JAZF1: variants seen among roughly 807,000 people sequenced by gnomAD.
JAZF1 encodes the protein JAZF zinc finger 1.
A neutral mutation model predicts 26.4 loss-of-function variants in JAZF1; 8 were observed. The observed-to-expected ratio is 0.30, with a 90% CI of 0.18 to 0.55. The LOEUF (loss-of-function observed/expected upper bound fraction) is 0.55, where lower values mean the gene tolerates loss of function less well. JAZF1 is among the 20% of genes least tolerant of loss of function. The probability of loss-of-function intolerance (pLI) is 0.94; values close to 1 mark genes in which losing one functional copy is unlikely to be tolerated. For missense variants in JAZF1, 199 were observed against 322.0 expected (o/e 0.62, Z 2.92); for synonymous variants, 126 against 122.3 (o/e 1.03, Z -0.20).
At chr7:27,907,342 A>G (rs1439813001) in intron 2 of JAZF1, among the ~76,000 whole-genome samples, 6 of 152,186 alleles carry the variant, frequency 3.9e-5, no homozygotes, top group Admixed American at 3.3e-4. Context: ...GAGTTGTGGT[A>G]TTTCCATGGG....
intron 3 of JAZF1, among the ~76,000 whole-genome samples, chr7:27,856,405 A>G (rs567117312): frequency 6.6e-6 from 1 of 152,304 alleles, no homozygotes; most frequent in Non-Finnish European, 1.5e-5. Context: ...AGCAAGAGTT[A>G]TTGCAAAGAG....
chr7:28,016,853 T>C (rs1782902306), intron 1 of JAZF1, among the ~76,000 whole-genome samples: 1 of 152,206 alleles, frequency 6.6e-6, no homozygotes, highest in African/African-American at 2.4e-5. Context: ...TGCCAGGTAC[T>C]GTTCTAGGCA....
chr7:27,902,730 TAACA>T (rs1464055975), intron 2 of JAZF1, among the ~76,000 whole-genome samples: 1 of 152,142 alleles, frequency 6.6e-6, no homozygotes, highest in Non-Finnish European at 1.5e-5. Flanking sequence ...AAGAAGTGAT[TAACA>T]TGCTGGGCAC....
intron 1 of JAZF1, among the ~76,000 whole-genome samples, chr7:28,045,987 G>A (rs1461667105): frequency 6.6e-6 from 1 of 152,160 alleles, no homozygotes; most frequent in East Asian, 1.9e-4. Context: ...CCATATAGAA[G>A]TGTAAAGTTA....
At chr7:27,949,709 G>T (rs1276677147) in intron 2 of JAZF1, among the ~76,000 whole-genome samples, 1 of 152,222 alleles carries the variant, frequency 6.6e-6, no homozygotes, top group African/African-American at 2.4e-5. Context: ...GTTGCAATGA[G>T]CCGAAATTGT....
chr7:27,933,594 CAG>C (rs1210085952), intron 2 of JAZF1, among the ~76,000 whole-genome samples: 1 of 152,196 alleles, frequency 6.6e-6, no homozygotes, highest in African/African-American at 2.4e-5. Flanking sequence ...TTTACAACAA[CAG>C]AGTAATTTTA....
chr7:28,174,542 G>A (rs561940617), intron 1 of JAZF1, among the ~76,000 whole-genome samples: 1 of 152,352 alleles, frequency 6.6e-6, no homozygotes, highest in Admixed American at 6.5e-5. Flanking sequence ...ACCATTTTCT[G>A]AAGAATATGT....
intron 1 of JAZF1, among the ~76,000 whole-genome samples, chr7:28,124,192 C>T (rs1782658408): frequency 2.0e-5 from 3 of 152,144 alleles, no homozygotes; most frequent in Admixed American, 6.5e-5. Context: ...GAGCAGGACA[C>T]ACAGAGAGAC....
At chr7:27,910,832 T>C (rs528451035) in intron 2 of JAZF1, among the ~76,000 whole-genome samples, 1 of 152,296 alleles carries the variant, frequency 6.6e-6, no homozygotes, top group South Asian at 2.1e-4. Flanking sequence ...TTCACCAAGT[T>C]CGTGTATGCA....
Position 28,160,635 on chromosome 7 carries a change from CAAAACCATCTCATCAGAAGG to C in JAZF1, c.115+19808_115+19827del, listed in dbSNP as rs1425084106. 1.6e-3 allele frequency among the ~76,000 whole-genome samples: 251 copies of C among 152,238 alleles called. 1 individual carries two copies. The highest frequency in any genetic ancestry group is 5.7e-3 in the African/African-American group (235 of 41,548). ...TCCCAGGAGGCCATTCCTTGCATAC[CAAAACCATCTCATCAGAAGG>C]TGGCCCCACTTATGATCTCCACCAG... On this transcript the variant is annotated intron_variant, in intron 1 of 4. Coordinates refer to ENST00000283928, the MANE Select transcript of JAZF1 (RefSeq NM_175061.4).
intron 2 of JAZF1, among the ~76,000 whole-genome samples, chr7:27,908,207 C>G (rs1467180218): frequency 6.6e-6 from 1 of 152,172 alleles, no homozygotes; most frequent in Non-Finnish European, 1.5e-5. Flanking sequence ...GCCAACTGCT[C>G]AAATTTATGG....
At chr7:27,886,079 C>T (rs111996487) in intron 3 of JAZF1, among the ~76,000 whole-genome samples, 5 of 152,146 alleles carry the variant, frequency 3.3e-5, no homozygotes, top group Admixed American at 1.3e-4. Flanking sequence ...GAAAGCAGAG[C>T]GGGGATATTC....
At chr7:27,923,860 A>C (rs1784571601) in intron 2 of JAZF1, among the ~76,000 whole-genome samples, 1 of 152,234 alleles carries the variant, frequency 6.6e-6, no homozygotes, top group African/African-American at 2.4e-5. Flanking sequence ...GGGAGATGTA[A>C]AATGCAACCC....
intron 3 of JAZF1, among the ~76,000 whole-genome samples, chr7:27,850,364 T>G (rs1783121249): frequency 6.6e-6 from 1 of 152,188 alleles, no homozygotes; most frequent in African/African-American, 2.4e-5. Flanking sequence ...CCTTAGCTCA[T>G]TACTGGAATG....
chr7:27,855,149 G>A lies in JAZF1; in HGVS notation c.386-14282C>T, dbSNP rs1160013845. On this transcript the variant is annotated intron_variant, in intron 3 of 4. Transcript: ENST00000283928. Reference sequence around the variant, plus strand: ...CTGACATCCTTTCTTCTGCTTGATCGATTCAGCTATTGATACTTGTGTCAA... The same window carrying A: ...CTGACATCCTTTCTTCTGCTTGATCAATTCAGCTATTGATACTTGTGTCAA... 5.9e-5 allele frequency among the ~76,000 whole-genome samples: 9 copies of A among 151,718 alleles called. No individual in the cohort carries two copies. In the South Asian group the frequency reaches 1.0e-3, roughly 17 times the overall value.
At chr7:28,021,706 CA>C (rs1356108450) in intron 1 of JAZF1, among the ~76,000 whole-genome samples, 1 of 152,202 alleles carries the variant, frequency 6.6e-6, no homozygotes, top group Admixed American at 6.5e-5. Context: ...TCTGCTCTCC[CA>C]ATGTGTCACC....
In JAZF1 at chr7:28,180,529, C is replaced by T. The variant is rs1170132255; in HGVS notation, c.49G>A (p.Gly17Arg). The T allele has an allele frequency of 6.2e-7, 1 of 1,610,580 alleles. No individual in the cohort carries two copies. Among genetic ancestry groups the T allele is most frequent in the African/African-American group, 1.3e-5 (1 of 74,090 alleles). Residue 17 changes from glycine (G) to arginine (R), a missense_variant, in exon 1 of 5, where the codon GGG becomes AGG. Physicochemically the swap from Gly to Arg is moderately radical, Grantham distance 125. This residue lies in a region of JAZF1 where 137 missense variants were observed against 184.8 expected (regional missense o/e 0.74). Coordinates refer to ENST00000283928, the MANE Select transcript of JAZF1 (RefSeq NM_175061.4). ...ASFFSNTCRF[G>R]GCGLHFPTLA... is the part of the protein sequence containing the mutation. ...GTGGGGAAGTGGAGTCCGCAGCCCCCGAATCGGCAGGTATTGGAGAAGAAG... is the reference window on the plus strand; with the variant it reads ...GTGGGGAAGTGGAGTCCGCAGCCCCTGAATCGGCAGGTATTGGAGAAGAAG...
intron 3 of JAZF1, among the ~76,000 whole-genome samples, chr7:27,853,897 G>A (rs532936425): frequency 2.6e-5 from 4 of 152,290 alleles, no homozygotes; most frequent in Non-Finnish European, 5.9e-5. Flanking sequence ...GGTCCACTTG[G>A]TCCAGAGCTG....
chr7:27,833,296 T>C (rs1180011058), intron 4 of JAZF1: 1 of 171,420 alleles, frequency 5.8e-6, no homozygotes, highest in African/African-American at 2.4e-5. Context: ...CTCTGAATCT[T>C]TTCCACTCTA....
Sources: allele counts gnomAD v4.1 joint callset (sites outside exome capture counted in the v4.1 genomes callset), GRCh38; gene constraint gnomAD v4.1.1; regional missense constraint gnomAD v4.1.1; transcripts MANE v1.5; gene names NCBI Gene and HGNC (gene_info 2026-07-23, HGNC 2026-07-21).